The following IL1RAPL2 variants were observed in gnomAD, a reference collection of about 807,000 sequenced individuals.
IL1RAPL2 encodes X-linked interleukin-1 receptor accessory protein-like 2.
In IL1RAPL2, 3 loss-of-function variants were observed where a neutral mutation model predicts 44.1. The observed-to-expected ratio is 0.07, with a 90% CI of 0.03 to 0.18. The LOEUF is 0.18. Among genes scored for constraint, IL1RAPL2 ranks in the 10% least tolerant of loss-of-function variants. The pLI, the probability that IL1RAPL2 is intolerant of heterozygous loss-of-function variation, is 1.00. For missense variants in IL1RAPL2, 391 were observed against 496.4 expected (o/e 0.79, Z 2.02); for synonymous variants, 181 against 178.8 (o/e 1.01, Z -0.10).
chrX:104,677,948 C>T (rs1292377066), intron 2 of IL1RAPL2, among the ~76,000 whole-genome samples: 1 of 112,591 alleles, frequency 8.9e-6, no homozygotes, highest in Non-Finnish European at 1.9e-5. Flanking sequence ...CCTCACCCTG[C>T]TTCGGCTCGC....
chrX:105,729,763 T>G (rs1242218133), intron 7 of IL1RAPL2, among the ~76,000 whole-genome samples: 1 of 109,372 alleles, frequency 9.1e-6, no homozygotes, highest in Non-Finnish European at 1.9e-5. Context: ...GTCTAAAATT[T>G]TATCAGCAAA....
chrX:104,826,788 C>G (rs1235060130), intron 2 of IL1RAPL2, among the ~76,000 whole-genome samples: 2 of 110,484 alleles, frequency 1.8e-5, no homozygotes, highest in Admixed American at 1.9e-4. Context: ...ATGAATTTGG[C>G]TGCTCCTGTA....
intron 2 of IL1RAPL2, among the ~76,000 whole-genome samples, chrX:104,864,245 C>T (rs1405387488): frequency 1.8e-5 from 2 of 111,874 alleles, no homozygotes; most frequent in Non-Finnish European, 3.8e-5. Context: ...ACTTCAGAGG[C>T]CAAGCAAAAA....
At chrX:105,734,872 A>G (rs2147570243) in intron 7 of IL1RAPL2, among the ~76,000 whole-genome samples, 1 of 111,491 alleles carries the variant, frequency 9.0e-6, no homozygotes, top group East Asian at 2.9e-4. Context: ...TATAGGTCTC[A>G]TGGTGTTTTT....
At chrX:105,216,114 A>G (rs1280112573) in intron 3 of IL1RAPL2, among the ~76,000 whole-genome samples, 2 of 111,368 alleles carry the variant, frequency 1.8e-5, no homozygotes, top group East Asian at 2.8e-4. Context: ...GGCCAGGGCA[A>G]TCAAGCAAGA....
chrX:104,611,713 T>C (rs1345981349), intron 1 of IL1RAPL2, among the ~76,000 whole-genome samples: 2 of 108,771 alleles, frequency 1.8e-5, no homozygotes, highest in Non-Finnish European at 3.8e-5. Context: ...GGCAGGCGCC[T>C]GTAGTCCCAG....
At chrX:105,578,539 G>T in intron 6 of IL1RAPL2, among the ~76,000 whole-genome samples, 1 of 111,179 alleles carries the variant, frequency 9.0e-6, no homozygotes, top group Non-Finnish European at 1.9e-5. Context: ...GAATACCAAA[G>T]ATAAGGAGAC....
chrX:105,689,818 C>A (rs775708619), intron 6 of IL1RAPL2, among the ~76,000 whole-genome samples: 4 of 112,098 alleles, frequency 3.6e-5, no homozygotes, highest in East Asian at 2.8e-4. Flanking sequence ...GAAACCAACC[C>A]AAATGTCCAT....
At position 104,722,361 on chromosome X, in the gene IL1RAPL2, A is replaced by G. The variant is rs915319073; in HGVS notation, c.82+63366A>G. Among the ~76,000 whole-genome samples the G allele has an allele frequency of 4.5e-5, 5 of 111,792 alleles. No homozygotes were observed. The Admixed American group carries it at 4.8e-4, about 11-fold the overall frequency. ...ATTTCTAGGTCATTAAAAAATGTCA[A>G]AAATGTTTTTAGCTCATGGGTCATA... is the stretch of plus-strand genomic sequence containing the variant. On this transcript the variant is annotated intron_variant, in intron 2 of 10. Coordinates refer to ENST00000372582, the MANE Select transcript of IL1RAPL2 (RefSeq NM_017416.2).
intron 1 of IL1RAPL2, among the ~76,000 whole-genome samples, chrX:104,571,345 T>C (rs1928145739): frequency 8.9e-6 from 1 of 112,036 alleles, no homozygotes; most frequent in African/African-American, 3.3e-5. Flanking sequence ...CCATTTGAGT[T>C]GCCTGATGCA....
intron 6 of IL1RAPL2, among the ~76,000 whole-genome samples, chrX:105,524,935 G>A (rs979016207): frequency 9.0e-6 from 1 of 111,303 alleles, no homozygotes; most frequent in Non-Finnish European, 1.9e-5. Flanking sequence ...AAATATGCCT[G>A]AAACACTTGA....
At chrX:105,652,581 T>G (rs2147843698) in intron 6 of IL1RAPL2, among the ~76,000 whole-genome samples, 1 of 111,694 alleles carries the variant, frequency 9.0e-6, no homozygotes, top group Non-Finnish European at 1.9e-5. Context: ...TTATCGCACT[T>G]AGTATTTGCA....
chrX:105,561,052 T>A (rs781728769), intron 6 of IL1RAPL2, among the ~76,000 whole-genome samples: 4 of 111,501 alleles, frequency 3.6e-5, no homozygotes, highest in Non-Finnish European at 7.5e-5. Flanking sequence ...AAAGAATCCA[T>A]CATTCCTAAA....
intron 2 of IL1RAPL2, among the ~76,000 whole-genome samples, chrX:104,845,572 T>C (rs1922027355): frequency 8.9e-6 from 1 of 112,101 alleles, no homozygotes; most frequent in Non-Finnish European, 1.9e-5. Context: ...TGTGTGAAGT[T>C]GGACAGGCAG....
intron 2 of IL1RAPL2, among the ~76,000 whole-genome samples, chrX:104,852,150 C>G (rs1312926927): frequency 9.0e-6 from 1 of 111,684 alleles, no homozygotes; most frequent in East Asian, 2.8e-4. Flanking sequence ...CTGGGAGACT[C>G]TTCAAAATAA....
At chrX:104,779,814 G>T (rs890707510) in intron 2 of IL1RAPL2, among the ~76,000 whole-genome samples, 5 of 110,884 alleles carry the variant, frequency 4.5e-5, no homozygotes, top group African/African-American at 1.6e-4. Flanking sequence ...TTAAAAATGT[G>T]AGCAATGATG....
intron 4 of IL1RAPL2, among the ~76,000 whole-genome samples, chrX:105,237,278 A>G (rs1349790971): frequency 9.0e-6 from 1 of 111,544 alleles, no homozygotes; most frequent in African/African-American, 3.3e-5. Flanking sequence ...GGTCTTTTCT[A>G]TTGTGAATAG....
At chrX:105,557,640 C>T (rs2036905738) in intron 6 of IL1RAPL2, among the ~76,000 whole-genome samples, 1 of 111,141 alleles carries the variant, frequency 9.0e-6, no homozygotes, top group Non-Finnish European at 1.9e-5. Context: ...TTCCTTATTC[C>T]ATCCTGGAGC....
At chrX:104,814,969 TTCA>T (rs947608736) in intron 2 of IL1RAPL2, among the ~76,000 whole-genome samples, 1 of 111,792 alleles carries the variant, frequency 8.9e-6, no homozygotes, top group African/African-American at 3.2e-5. Flanking sequence ...TCAAATTAAC[TTCA>T]TCAGATCTTT....
Sources: allele counts gnomAD v4.1 joint callset (sites outside exome capture counted in the v4.1 genomes callset), GRCh38; gene constraint gnomAD v4.1.1; transcripts MANE v1.5; gene names NCBI Gene and HGNC (gene_info 2026-07-23, HGNC 2026-07-21).